The following PHTF1 variants were observed in gnomAD, a reference collection of about 807,000 sequenced individuals.
PHTF1 encodes protein PHTF1.
A neutral mutation model predicts 102.4 loss-of-function variants in PHTF1; 88 were observed. That is an observed-to-expected ratio of 0.86 (90% CI 0.72 to 1.03). The LOEUF is 1.03. PHTF1 is among the 50% of genes least tolerant of loss of function. PHTF1 has a pLI of 0.00. For synonymous variants in PHTF1, 289 were observed against 305.2 expected (o/e 0.95, Z 0.55); for missense variants, 814 against 909.5 (o/e 0.89, Z 1.35).
At chr1:113,756,621 C>T (rs1374500484) in intron 3 of PHTF1, among the ~76,000 whole-genome samples, 2 of 152,170 alleles carry the variant, frequency 1.3e-5, no homozygotes, top group Non-Finnish European at 2.9e-5. Flanking sequence ...CATCTCAAGA[C>T]TATCCAATTA....
Position 113,712,088 on chromosome 1 carries a change from C to A in PHTF1, c.809G>T (p.Gly270Val). Residue 270 changes from glycine (G) to valine (V), a missense_variant, in exon 9 of 19, where the codon GGG (glycine) becomes GTG (valine). By Grantham distance (109) the Gly-to-Val change is moderately radical (BLOSUM62 -3). Transcript: ENST00000369604. ...RREAFRRLGN[G>V]VSDDLSSEED... Reference sequence around the variant, plus strand: ...TTCACTTGACAGGTCATCAGACACCCCATTACCCAAACGCCTAAAAGCCTC... The same window carrying A: ...TTCACTTGACAGGTCATCAGACACCACATTACCCAAACGCCTAAAAGCCTC... 1 of 1,613,984 alleles carries A rather than the reference C, an allele frequency of 6.2e-7. No homozygotes were observed. Among genetic ancestry groups the A allele is most frequent in the Non-Finnish European group, 8.5e-7 (1 of 1,179,948 alleles).
At chr1:113,723,836 C>A (rs1349202063) in intron 7 of PHTF1, among the ~76,000 whole-genome samples, 1 of 152,106 alleles carries the variant, frequency 6.6e-6, no homozygotes, top group Non-Finnish European at 1.5e-5. Flanking sequence ...AGTGAAAATA[C>A]AACTCACAGA....
intron 3 of PHTF1, among the ~76,000 whole-genome samples, chr1:113,741,070 A>G (rs1656274916): frequency 6.6e-6 from 1 of 152,210 alleles, no homozygotes; most frequent in South Asian, 2.1e-4. Flanking sequence ...TGCACATGCT[A>G]ATTCTTAATT....
At chr1:113,721,186 G>A (rs1447902693) in intron 7 of PHTF1, among the ~76,000 whole-genome samples, 1 of 152,156 alleles carries the variant, frequency 6.6e-6, no homozygotes, top group Non-Finnish European at 1.5e-5. Flanking sequence ...AGGGATGCAA[G>A]GATGGTTCAA....
chr1:113,724,889 ATTTTCT>A lies in PHTF1; in HGVS notation c.489-2_492del. The A allele has an allele frequency of 6.3e-7, 1 of 1,588,158 alleles. No individual in the cohort carries two copies. The highest frequency in any genetic ancestry group is 1.9e-5 in the Admixed American group (1 of 53,774). On this transcript the variant is annotated splice_acceptor_variant and coding_sequence_variant, in exon 7 of 19. Coordinates refer to ENST00000369604, the MANE Select transcript of PHTF1 (RefSeq NM_001323043.2). LOFTEE classifies it high-confidence loss of function. ...CCATCACCATTTACAGTTTTTCGTA[ATTTTCT>A]ACAAAAAAAAATTTCAATAACTTCA...
At position 113,698,261 on chromosome 1, in the gene PHTF1, C is replaced by G; in HGVS notation, c.2268+1G>C. The G allele has an allele frequency of 6.2e-7, 1 of 1,601,916 alleles. No individual in the cohort carries two copies. The highest frequency in any genetic ancestry group is 8.5e-7 in the Non-Finnish European group (1 of 1,170,950). On this transcript the variant is annotated splice_donor_variant, in intron 18 of 18. Coordinates refer to ENST00000369604, the MANE Select transcript of PHTF1 (RefSeq NM_001323043.2). LOFTEE classifies it high-confidence loss of function. Reference sequence around the variant, plus strand: ...TGCTACAGAGTGGTGGTGATACTTACTCTTATATTAAATCCTAGAAGATCA... The same window carrying G: ...TGCTACAGAGTGGTGGTGATACTTAGTCTTATATTAAATCCTAGAAGATCA...
intron 14 of PHTF1, 54 bp downstream of exon 14, chr1:113,704,612 G>C (rs1343570385): frequency 7.5e-7 from 1 of 1,340,346 alleles, no homozygotes; most frequent in Non-Finnish European, 1.0e-6. Context: ...GCTGCCAGGA[G>C]CTTCAGTGAG....
chr1:113,699,586 G>T, intron 17 of PHTF1, 118 bp downstream of exon 17: 1 of 681,502 alleles, frequency 1.5e-6, no homozygotes. Context: ...CACTGTGGAA[G>T]AGTCCACTTC....
At chr1:113,706,514 A>G in intron 12 of PHTF1, 80 bp downstream of exon 12, 2 of 1,110,468 alleles carry the variant, frequency 1.8e-6, no homozygotes, top group South Asian at 3.9e-5. Flanking sequence ...TACTGTTTTA[A>G]TCACTAAGAG....
At chr1:113,734,685 T>C (rs1655207984) in intron 5 of PHTF1, among the ~76,000 whole-genome samples, 1 of 152,214 alleles carries the variant, frequency 6.6e-6, no homozygotes. Flanking sequence ...CTTAAAGATT[T>C]GAAAAGTTCT....
chr1:113,719,921 A>G (rs768903004), intron 7 of PHTF1, among the ~76,000 whole-genome samples: 2 of 152,224 alleles, frequency 1.3e-5, no homozygotes, highest in Non-Finnish European at 2.9e-5. Flanking sequence ...CAGGAGGTGA[A>G]AGGCACTTCT....
At position 113,710,170 on chromosome 1, in the gene PHTF1, G is replaced by A; in HGVS notation, c.1269+84C>T. ...ATAGTATCTACCCTACAGGATGATT[G>A]TAAAGTTAAATGAGATGACAGAGTG... On this transcript the variant is annotated intron_variant, in intron 11 of 18. Transcript: ENST00000369604. 6.1e-6 allele frequency: 6 copies of A among 982,026 alleles called. No individual in the cohort carries two copies. The East Asian group carries it at 1.0e-4, about 16-fold the overall frequency. 60.8% of individuals were successfully genotyped at this position (982,026 alleles called of 1,614,324 possible).
chr1:113,747,944 A>C (rs1268852250), intron 3 of PHTF1, among the ~76,000 whole-genome samples: 1 of 152,120 alleles, frequency 6.6e-6, no homozygotes, highest in African/African-American at 2.4e-5. Flanking sequence ...TTTCATGATA[A>C]TGTTTCTCAG....
intron 5 of PHTF1, among the ~76,000 whole-genome samples, chr1:113,735,747 T>C (rs1013230817): frequency 2.6e-5 from 4 of 152,140 alleles, no homozygotes; most frequent in African/African-American, 7.2e-5. Context: ...ATTTGTAAAT[T>C]TATACATATA....
chr1:113,749,337 A>G (rs1254249135), intron 3 of PHTF1, among the ~76,000 whole-genome samples: 3 of 152,186 alleles, frequency 2.0e-5, no homozygotes, highest in African/African-American at 7.2e-5. Context: ...AGCATTTTGA[A>G]TAGTGGACCT....
At position 113,711,997 on chromosome 1, in the gene PHTF1, G is replaced by T. The variant is rs771327291; in HGVS notation, c.900C>A (p.Asp300Glu). The T allele has an allele frequency of 6.2e-7, 1 of 1,613,912 alleles. No homozygotes were observed. The highest frequency in any genetic ancestry group is 1.1e-5 in the South Asian group (1 of 91,064). ...LRRSVEGASS[D>E]NGCEVKNRKS... ...TTCTATTCTTAACTTCACAACCATT[G>T]TCACTTGAGGCCCCTTCCACACTCC... The change falls in exon 9 of 19, where the codon GAC becomes GAA. Residue 300 changes from aspartate to glutamate, a missense_variant. Physicochemically the swap from Asp to Glu is conservative, Grantham distance 45. Transcript: ENST00000369604.
intron 7 of PHTF1, among the ~76,000 whole-genome samples, chr1:113,715,648 CAAAAAAAAAAAA>C (rs60517410): frequency 4.8e-4 from 12 of 24,976 alleles, no homozygotes; most frequent in South Asian, 6.6e-3. Context: ...AACCCTGTCT[CAAAAAAAAAAAA>C]AAAAAAAAAA....
In PHTF1 at chr1:113,698,332, T is replaced by C; in HGVS notation, c.2198A>G (p.Asn733Ser). The change falls in exon 18 of 19, where the codon AAT becomes AGT. Residue 733 changes from asparagine (N) to serine (S), a missense_variant. Transcript: ENST00000369604. ...AGAAAGGATAACTACTCTTGTGATA[T>C]TGTAGATTAAGGGATTCATTGTCAG... is the stretch of plus-strand genomic sequence containing the variant. The part of the protein sequence containing the change: ...YGLTMNPLIY[N>S]ITRVVILSAV... The C allele has an allele frequency of 1.9e-6, 3 of 1,607,630 alleles. No individual in the cohort carries two copies. The highest frequency in any genetic ancestry group is 2.2e-5 in the East Asian group (1 of 44,798).
At chr1:113,728,358 A>G (rs574088080) in intron 5 of PHTF1, among the ~76,000 whole-genome samples, 95 of 152,372 alleles carry the variant, frequency 6.2e-4, no homozygotes, top group African/African-American at 2.3e-3. Flanking sequence ...AAAGGTGCTC[A>G]TATCATTGAT....
Sources: gnomAD v4.1 joint callset for allele counts (sites outside exome capture counted in the v4.1 genomes callset) on GRCh38, gnomAD v4.1.1 for gene constraint, MANE v1.5 for transcripts, NCBI Gene and HGNC (gene_info 2026-07-23, HGNC 2026-07-21) for gene names.